RAD51B: variants seen among roughly 807,000 people sequenced by gnomAD.
RAD51B encodes the protein RAD51 paralog B.
Under a neutral mutation model 42.2 loss-of-function variants are expected in RAD51B, and 38 were observed. The observed-to-expected ratio is 0.90, with a 90% CI of 0.70 to 1.18. The LOEUF (loss-of-function observed/expected upper bound fraction) is 1.18. RAD51B is among the 50% of genes most tolerant of loss of function. The pLI is 0.00. For missense variants in RAD51B, 373 were observed against 400.7 expected (o/e 0.93, Z 0.59); for synonymous variants, 154 against 145.2 (o/e 1.06, Z -0.43).
intron 11 of RAD51B, among the ~76,000 whole-genome samples, chr14:68,658,274 A>C (rs1892859702): frequency 6.6e-6 from 1 of 152,204 alleles, no homozygotes; most frequent in Admixed American, 6.5e-5. Context: ...TGGTGCTACC[A>C]GTGCCATGTC....
chr14:68,482,410 C>T (rs896571537), downstream of RAD51B, among the ~76,000 whole-genome samples: 8 of 152,078 alleles, frequency 5.3e-5, no homozygotes, highest in Non-Finnish European at 1.0e-4. Flanking sequence ...AATGACTGCT[C>T]AGAGACAGGG....
chr14:68,184,624 C>CA (rs1491382522), intron 7 of RAD51B, among the ~76,000 whole-genome samples: 2,011 of 129,474 alleles, frequency 0.016, 70 homozygotes, highest in African/African-American at 0.025. Flanking sequence ...AAAAAAAAAA[C>CA]CAAAAAAAAA....
chr14:68,003,818 A>G (rs1165019075), intron 7 of RAD51B, among the ~76,000 whole-genome samples: 1 of 152,174 alleles, frequency 6.6e-6, no homozygotes, highest in East Asian at 1.9e-4. Context: ...AATTACATTT[A>G]TTGATTTGCA....
intron 11 of RAD51B, among the ~76,000 whole-genome samples, chr14:68,656,165 G>T (rs1892811233): frequency 1.3e-5 from 2 of 152,180 alleles, no homozygotes; most frequent in Admixed American, 6.5e-5. Context: ...GGCAAAACCA[G>T]ATTTGAGCAC....
intron 10 of RAD51B, among the ~76,000 whole-genome samples, chr14:68,518,417 C>G (rs1886313384): frequency 6.6e-6 from 1 of 152,142 alleles, no homozygotes; most frequent in Non-Finnish European, 1.5e-5. Context: ...TGTCCTGAGC[C>G]CTGGGAACTG....
chr14:68,377,003 T>C (rs1489831366), intron 8 of RAD51B, among the ~76,000 whole-genome samples: 1 of 152,196 alleles, frequency 6.6e-6, no homozygotes, highest in East Asian at 1.9e-4. Flanking sequence ...TCTGGGAATG[T>C]AGATAGTATA....
intron 9 of RAD51B, among the ~76,000 whole-genome samples, chr14:68,421,322 G>A (rs1594811209): frequency 6.6e-6 from 1 of 152,138 alleles, no homozygotes; most frequent in South Asian, 2.1e-4. Context: ...GAGATGCTAC[G>A]CCGCCTGAGC....
intron 7 of RAD51B, among the ~76,000 whole-genome samples, chr14:68,250,611 A>G (rs578088634): frequency 6.6e-6 from 1 of 152,362 alleles, no homozygotes; most frequent in African/African-American, 2.4e-5. Flanking sequence ...CATATCCAAA[A>G]TAGGTAAAAT....
intron 10 of RAD51B, among the ~76,000 whole-genome samples, chr14:68,592,654 T>C (rs182081005): frequency 5.1e-4 from 77 of 152,346 alleles, no homozygotes; most frequent in African/African-American, 1.8e-3. Context: ...TCGATAATGG[T>C]AACTGCCAAC....
chr14:67,943,589 G>T (rs1425951573), intron 7 of RAD51B, among the ~76,000 whole-genome samples: 1 of 151,948 alleles, frequency 6.6e-6, no homozygotes, highest in African/African-American at 2.4e-5. Flanking sequence ...TTAACGGTTG[G>T]CTCTGGAGTT....
chr14:68,062,057 G>C (rs2076575706), intron 7 of RAD51B, among the ~76,000 whole-genome samples: 1 of 152,034 alleles, frequency 6.6e-6, no homozygotes, highest in Non-Finnish European at 1.5e-5. Context: ...CCTTTATTTT[G>C]CTTAGGTACA....
In RAD51B at chr14:67,887,205, G is replaced by GTTT; in HGVS notation, c.756+2_756+3insTTT. ...TTTGGCTGAGGAGTTTTCAATCCCA[G>GTTT]TAAGTTTTTCTTTTTTTCTCTTTTT... On this transcript the variant is annotated splice_donor_variant, in intron 7 of 10. Transcript: ENST00000471583. LOFTEE classifies it high-confidence loss of function. The GTTT allele has an allele frequency of 6.2e-7, 1 of 1,601,972 alleles. No homozygotes were observed. Among genetic ancestry groups the GTTT allele is most frequent in the Non-Finnish European group, 8.5e-7 (1 of 1,174,142 alleles).
At chr14:68,100,774 G>A (rs1444903558) in intron 7 of RAD51B, among the ~76,000 whole-genome samples, 1 of 152,122 alleles carries the variant, frequency 6.6e-6, no homozygotes, top group Non-Finnish European at 1.5e-5. Context: ...TTTGCAAAGA[G>A]TAAATAAAGT....
downstream of RAD51B, among the ~76,000 whole-genome samples, chr14:68,612,200 C>A (rs999790751): frequency 3.3e-5 from 5 of 152,208 alleles, no homozygotes; most frequent in African/African-American, 7.2e-5. Flanking sequence ...CAGTTGAATG[C>A]TTTCACTTGC....
At chr14:68,200,897 A>G (rs576933617) in intron 7 of RAD51B, among the ~76,000 whole-genome samples, 2 of 151,996 alleles carry the variant, frequency 1.3e-5, no homozygotes, top group South Asian at 2.1e-4. Context: ...GACTCGAGCA[A>G]TCCTCCCGCC....
chr14:68,516,410 C>T (rs61985772), intron 10 of RAD51B, among the ~76,000 whole-genome samples: 10,786 of 152,114 alleles, frequency 0.071, 463 homozygotes, highest in Middle Eastern at 0.14. Context: ...CTTGACTGTC[C>T]GGCTTAATAG....
chr14:68,521,080 G>T (rs751560290), intron 10 of RAD51B, among the ~76,000 whole-genome samples: 1 of 152,174 alleles, frequency 6.6e-6, no homozygotes, highest in South Asian at 2.1e-4. Flanking sequence ...GTCTGTAGTG[G>T]AGTGGTGACT....
At chr14:68,129,746 T>C (rs888893164) in intron 7 of RAD51B, among the ~76,000 whole-genome samples, 1 of 152,172 alleles carries the variant, frequency 6.6e-6, no homozygotes, top group Non-Finnish European at 1.5e-5. Context: ...TTCTCAAACT[T>C]TAGTATATAC....
intron 10 of RAD51B, among the ~76,000 whole-genome samples, chr14:68,646,424 T>A (rs1035625404): frequency 6.6e-6 from 1 of 152,230 alleles, no homozygotes; most frequent in African/African-American, 2.4e-5. Flanking sequence ...GGCTCATTTA[T>A]CTTTTTGTGT....
Sources: allele counts gnomAD v4.1 joint callset (sites outside exome capture counted in the v4.1 genomes callset), GRCh38; gene constraint gnomAD v4.1.1; transcripts MANE v1.5; gene names NCBI Gene and HGNC (gene_info 2026-07-23, HGNC 2026-07-21).